The following PALM2AKAP2 variants were observed in gnomAD, a reference collection of about 807,000 sequenced individuals.
The protein encoded by PALM2AKAP2 is PALM2 and AKAP2 fusion.
A neutral mutation model predicts 71.5 loss-of-function variants in PALM2AKAP2; 37 were observed. That is an observed-to-expected ratio of 0.52 (90% confidence interval 0.40 to 0.68). The LOEUF is 0.68. PALM2AKAP2 is among the 30% of genes least tolerant of loss of function. PALM2AKAP2 has a pLI of 0.00. For missense variants in PALM2AKAP2, 1,224 were observed against 1,191.8 expected (o/e 1.03, Z -0.40); for synonymous variants, 468 against 478.8 (o/e 0.98, Z 0.29).
intron 1 of PALM2AKAP2, among the ~76,000 whole-genome samples, chr9:110,093,747 C>T (rs1588104922): frequency 6.6e-6 from 1 of 152,192 alleles, no homozygotes; most frequent in East Asian, 1.9e-4. Context: ...CATCACACTA[C>T]CCTGTTTCCT....
chr9:109,787,886 G>A (rs1162244154), intron 1 of PALM2AKAP2, among the ~76,000 whole-genome samples: 1 of 152,188 alleles, frequency 6.6e-6, no homozygotes, highest in Admixed American at 6.5e-5. Context: ...CTTTCCTTAT[G>A]CATTGATTTA....
intron 6 of PALM2AKAP2, among the ~76,000 whole-genome samples, chr9:109,968,335 C>G (rs1311833696): frequency 1.3e-5 from 2 of 152,188 alleles, no homozygotes; most frequent in African/African-American, 4.8e-5. Context: ...TAAATGGAAA[C>G]TGGAATTCCA....
rs990850859 is a variant in PALM2AKAP2 at position 109,909,956 on chromosome 9, G to A, written c.258-13779G>A. On this transcript the variant is annotated intron_variant, in intron 3 of 9. Coordinates refer to the PALM2AKAP2 transcript ENST00000302798. ...TTCAGCAGGGGAGTGCTATTGTGGT[G>A]TGTCTAGGCACATTCTGGATTTTAG... Among the ~76,000 whole-genome samples, 5 of 152,170 alleles carry A rather than the reference G, an allele frequency of 3.3e-5. 1 individual carries two copies. In the South Asian group the frequency reaches 8.3e-4, roughly 25 times the overall value.
intron 7 of PALM2AKAP2, among the ~76,000 whole-genome samples, chr9:110,037,223 A>G (rs182111419): frequency 6.6e-6 from 1 of 151,936 alleles, no homozygotes; most frequent in East Asian, 1.9e-4. Context: ...TTTTTGAAAC[A>G]GAGTTTCACT....
rs529749851 is a variant in PALM2AKAP2, at chr9:109,942,601, C to CT, written c.496+10582dup. ...AGTTAGAATAGAAAGGGCACAAAAC[C>CT]TTTTTTTTTGTCTGTTTGGCAATTA... On this transcript the variant is annotated intron_variant, in intron 6 of 9. Coordinates refer to the PALM2AKAP2 transcript ENST00000302798. 6.2e-4 allele frequency: 890 copies of CT among 1,431,556 alleles called. 1 individual carries two copies. The African/African-American group carries it at 6.5e-3, about 11-fold the overall frequency. 88.7% of individuals were successfully genotyped at this position (1,431,556 alleles called of 1,614,324 possible). A position where few individuals can be genotyped will look rare whatever the true frequency, so the allele number is the denominator to read the frequency against.
At chr9:109,719,615 G>C (rs116457421) in intron 1 of PALM2AKAP2, among the ~76,000 whole-genome samples, 5 of 152,210 alleles carry the variant, frequency 3.3e-5, no homozygotes, top group Admixed American at 1.3e-4. Flanking sequence ...ATGATGAAAT[G>C]TATAGGTGAG....
At chr9:110,117,812 C>T (rs1049260551) in intron 1 of PALM2AKAP2, among the ~76,000 whole-genome samples, 2 of 151,876 alleles carry the variant, frequency 1.3e-5, no homozygotes, top group African/African-American at 4.8e-5. Context: ...AAGTTTCCAA[C>T]ACATGAATTT....
chr9:109,807,543 G>A (rs1287257506), intron 1 of PALM2AKAP2, among the ~76,000 whole-genome samples: 1 of 150,312 alleles, frequency 6.7e-6, no homozygotes, highest in South Asian at 2.1e-4. Context: ...GAAGGGGCAA[G>A]GCAGCTCTCT....
intron 1 of PALM2AKAP2, among the ~76,000 whole-genome samples, chr9:109,847,441 A>G (rs1239151124): frequency 6.6e-6 from 1 of 152,180 alleles, no homozygotes; most frequent in African/African-American, 2.4e-5. Context: ...ACTGTGAGAG[A>G]ATAAATATCT....
chr9:109,720,938 A>G (rs1287338412), intron 1 of PALM2AKAP2, among the ~76,000 whole-genome samples: 1 of 152,172 alleles, frequency 6.6e-6, no homozygotes, highest in African/African-American at 2.4e-5. Flanking sequence ...GAGTTTTACT[A>G]TGGCACATAC....
chr9:110,123,036 C>A (rs1835523875), intron 1 of PALM2AKAP2, among the ~76,000 whole-genome samples: 1 of 152,292 alleles, frequency 6.6e-6, no homozygotes, highest in Middle Eastern at 3.4e-3. Flanking sequence ...TTCTGGAGTA[C>A]CTAACTGTGA....
intron 6 of PALM2AKAP2, among the ~76,000 whole-genome samples, chr9:109,950,037 C>T (rs1004187688): frequency 6.6e-6 from 1 of 152,138 alleles, no homozygotes; most frequent in African/African-American, 2.4e-5. Context: ...GTAATCCCAG[C>T]ACTTTGGGGG....
rs535071836 is a variant in PALM2AKAP2 at position 110,144,285 on chromosome 9, G to T, written c.2569+5746G>T. ...AAGGCAGGCACCAACTGTGCAGCTTGTAGGAGCCCTTCTGGCTGTGTGAAG... is the reference window on the plus strand; with the variant it reads ...AAGGCAGGCACCAACTGTGCAGCTTTTAGGAGCCCTTCTGGCTGTGTGAAG... On this transcript the variant is annotated intron_variant, in intron 2 of 3. Transcript: ENST00000374525. Among the ~76,000 whole-genome samples the T allele has an allele frequency of 2.6e-5, 4 of 152,380 alleles. No individual in the cohort carries two copies. In the East Asian group the frequency reaches 7.7e-4, roughly 29 times the overall value.
intron 5 of PALM2AKAP2, among the ~76,000 whole-genome samples, chr9:109,930,698 A>G (rs1412664660): frequency 6.6e-6 from 1 of 152,216 alleles, no homozygotes; most frequent in Non-Finnish European, 1.5e-5. Context: ...GCAAGAAATG[A>G]AAAAGAAAGC....
At chr9:110,098,453 G>A (rs1834915631) in intron 1 of PALM2AKAP2, among the ~76,000 whole-genome samples, 1 of 152,038 alleles carries the variant, frequency 6.6e-6, no homozygotes. Context: ...GAAAACTAAT[G>A]TATTGTATAC....
At chr9:109,686,681 A>AT (rs1386972007) in intron 1 of PALM2AKAP2, among the ~76,000 whole-genome samples, 2 of 151,562 alleles carry the variant, frequency 1.3e-5, no homozygotes, top group East Asian at 1.9e-4. Flanking sequence ...TTTGCAATTT[A>AT]TTTTTTTTAT....
chr9:109,721,101 T>C (rs952181992), intron 1 of PALM2AKAP2, among the ~76,000 whole-genome samples: 9 of 152,218 alleles, frequency 5.9e-5, no homozygotes, highest in Non-Finnish European at 1.0e-4. Context: ...CCTGGTGCTG[T>C]ATTTGACTTT....
At chr9:110,099,430 G>T (rs887099483) in intron 1 of PALM2AKAP2, among the ~76,000 whole-genome samples, 1 of 152,150 alleles carries the variant, frequency 6.6e-6, no homozygotes, top group Admixed American at 6.5e-5. Context: ...AAGTTTCCAG[G>T]CAGCTATGAA....
chr9:109,933,829 T>A (rs1208264860), intron 6 of PALM2AKAP2, among the ~76,000 whole-genome samples: 2 of 152,258 alleles, frequency 1.3e-5, no homozygotes, highest in Non-Finnish European at 2.9e-5. Flanking sequence ...TTTGTTACGA[T>A]GAACTCCTTT....
Sources: allele counts gnomAD v4.1 joint callset (sites outside exome capture counted in the v4.1 genomes callset), GRCh38; gene constraint gnomAD v4.1.1; transcripts MANE v1.5; gene names NCBI Gene and HGNC (gene_info 2026-07-23, HGNC 2026-07-21).